Variants in AP4M1 observed in about 807,000 individuals in gnomAD.
The protein encoded by AP4M1 is AP-4 complex subunit mu-1.
A neutral mutation model predicts 62.4 loss-of-function variants in AP4M1; 58 were observed. That is an observed-to-expected ratio of 0.93 (90% CI 0.75 to 1.16). The LOEUF (loss-of-function observed/expected upper bound fraction) is 1.16. AP4M1 is among the 50% of genes most tolerant of loss of function. AP4M1 has a pLI of 0.00. For synonymous variants in AP4M1, 290 were observed against 239.7 expected (o/e 1.21, Z -1.94); for missense variants, 626 against 585.4 (o/e 1.07, Z -0.72).
rs949465818 is a variant in AP4M1, at chr7:100,108,261, C to G, written c.*1379C>G. On this transcript the variant is annotated 3_prime_UTR_variant, in exon 15 of 15. Coordinates refer to ENST00000359593, the MANE Select transcript of AP4M1 (RefSeq NM_004722.4). ...GCATCCTCACTCAGGGCCTGGTTGCCCTGAGACTACTGACTGAGGGCACAT... is the reference window on the plus strand; with the variant it reads ...GCATCCTCACTCAGGGCCTGGTTGCGCTGAGACTACTGACTGAGGGCACAT... 2.9e-5 allele frequency: 43 copies of G among 1,475,362 alleles called. No homozygotes were observed. The African/African-American group carries it at 5.9e-4, about 20-fold the overall frequency. 91.4% of individuals were successfully genotyped at this position (1,475,362 alleles called of 1,614,324 possible).
Position 100,103,176 on chromosome 7 carries a change from G to A in AP4M1, c.351+216G>A, listed in dbSNP as rs551301507. On this transcript the variant is annotated intron_variant, in intron 4 of 14. Transcript: ENST00000359593. ...AGCCTGGAACTCCTGGGCTCAAGCCGTCCTCCTGCCCCAGCCTCCCCTGTG... is the reference window on the plus strand; with the variant it reads ...AGCCTGGAACTCCTGGGCTCAAGCCATCCTCCTGCCCCAGCCTCCCCTGTG... The A allele has an allele frequency of 1.3e-4, 82 of 648,928 alleles. 1 individual carries two copies. The South Asian group carries it at 1.3e-3, about 10-fold the overall frequency. The allele number at this position is 648,928 out of a possible 1,614,324, so 40.2% of individuals were successfully genotyped here. A position where few individuals can be genotyped will look rare whatever the true frequency, so the allele number is the denominator to read the frequency against.
intron 6 of AP4M1, among the ~76,000 whole-genome samples, 195 bp downstream of exon 6, chr7:100,103,887 CAAAAAAA>C (rs10671291): frequency 6.0e-4 from 55 of 92,040 alleles, no homozygotes; most frequent in African/African-American, 2.4e-3. Context: ...ACTAAAAATG[CAAAAAAA>C]AAAAAAAAAA....
At position 100,106,239 on chromosome 7, in the gene AP4M1, A is replaced by G; in HGVS notation, c.975-2A>G. 6.2e-7 allele frequency: 1 copy of G among 1,614,114 alleles called. No homozygotes were observed. The highest frequency in any genetic ancestry group is 1.1e-5 in the South Asian group (1 of 91,088). Reference sequence around the variant, plus strand: ...CTGACTTTGTTCCCGTCTCCTCTGTAGCCAAGCCCTCAATGTCAGGCTGCA... The same window carrying G: ...CTGACTTTGTTCCCGTCTCCTCTGTGGCCAAGCCCTCAATGTCAGGCTGCA... On this transcript the variant is annotated splice_acceptor_variant, in intron 12 of 14. Transcript: ENST00000359593. LOFTEE classifies it high-confidence loss of function.
intron 5 of AP4M1, 23 bp downstream of exon 5, chr7:100,103,542 G>A (rs1796229698): frequency 6.2e-7 from 1 of 1,613,726 alleles, no homozygotes; most frequent in African/African-American, 1.3e-5. Context: ...AAAGAGGAGG[G>A]TGAGGAAAGA....
chr7:100,103,992 A>T, intron 6 of AP4M1, 100 bp from the exon 7 acceptor site: 1 of 1,056,244 alleles, frequency 9.5e-7, no homozygotes, highest in Non-Finnish European at 1.5e-6. Flanking sequence ...TCCTCACCCT[A>T]GAGCTGTAGC....
Position 100,108,910 on chromosome 7 carries a change from G to C in AP4M1, c.*2028G>C, listed in dbSNP as rs368687217. On this transcript the variant is annotated 3_prime_UTR_variant, in exon 15 of 15. Transcript: ENST00000359593. ...ATGGTGGCACGCACCTGTAGTCCCA[G>C]CTACTGGGGAGGTTGAGGTACTAGA... 2 of 171,912 alleles carry C rather than the reference G, an allele frequency of 1.2e-5. No individual in the cohort carries two copies. The highest frequency in any genetic ancestry group is 1.7e-4 in the East Asian group (1 of 5,992). The allele number at this position is 171,912 out of a possible 1,614,324, so 10.6% of individuals were successfully genotyped here.
In AP4M1 at chr7:100,104,859, G is replaced by C. The variant is rs766628480; in HGVS notation, c.607-15G>C. ...AAGAAAAAAAGACTCTAACCTTGAC[G>C]CCCCTGCCTCTCAGGGATCCCTGCT... is the stretch of plus-strand genomic sequence containing the variant. On this transcript the variant is annotated splice_polypyrimidine_tract_variant and intron_variant, in intron 7 of 14. Transcript: ENST00000359593. 1.1e-5 allele frequency: 17 copies of C among 1,613,822 alleles called. No individual in the cohort carries two copies. In the South Asian group the frequency reaches 1.9e-4, roughly 18 times the overall value.
chr7:100,107,681 C>T lies in AP4M1; in HGVS notation c.*799C>T. The T allele has an allele frequency of 1.3e-6, 2 of 1,579,788 alleles. No individual in the cohort carries two copies. Among genetic ancestry groups the T allele is most frequent in the South Asian group, 1.1e-5 (1 of 88,312 alleles). Reference sequence around the variant, plus strand: ...TGTGCCCTCCCTGCCCCCCAGAGGCCTGGCGAGGACGCTTCACTCGCTCCC... The same window carrying T: ...TGTGCCCTCCCTGCCCCCCAGAGGCTTGGCGAGGACGCTTCACTCGCTCCC... On this transcript the variant is annotated 3_prime_UTR_variant, in exon 15 of 15. Transcript: ENST00000359593.
chr7:100,101,191 C>G (rs1796003332), upstream of AP4M1: 5 of 1,588,012 alleles, frequency 3.1e-6, no homozygotes, highest in South Asian at 5.5e-5. Context: ...CCCCAAGACC[C>G]CAGCTCACAC....
upstream of AP4M1, chr7:100,101,625 G>A: frequency 1.5e-6 from 2 of 1,340,530 alleles, no homozygotes; most frequent in Non-Finnish European, 2.1e-6. Context: ...GCTCTTAAAG[G>A]GCCAGCGCAC....
Position 100,101,906 on chromosome 7 carries a change from G to A in AP4M1, c.85G>A (p.Val29Met), listed in dbSNP as rs1202134883. The change falls in exon 2 of 15, where the codon GTG (valine) becomes ATG (methionine). Residue 29 changes from valine to methionine, a missense_variant. Coordinates refer to ENST00000359593, the MANE Select transcript of AP4M1 (RefSeq NM_004722.4). ...DFRGDSGGRD[V>M]AELFYRKLTG... ...CCGCGGGGACAGTGGCGGCCGGGAT[G>A]TGGCCGAGCTCTTCTACCGGAAGCT... 2.5e-6 allele frequency: 4 copies of A among 1,612,924 alleles called. No individual in the cohort carries two copies. Among genetic ancestry groups the A allele is most frequent in the Middle Eastern group, 1.6e-4 (1 of 6,080 alleles).
chr7:100,105,187 C>T lies in AP4M1; in HGVS notation c.728-53C>T, dbSNP rs1407809354. On this transcript the variant is annotated intron_variant, in intron 9 of 14. Coordinates refer to ENST00000359593, the MANE Select transcript of AP4M1 (RefSeq NM_004722.4). ...TCAGACAGAGCCTCCCCTCTCCTTG[C>T]TCCTCTCCCAAAACAGGAGTCAGGA... 8 of 1,611,972 alleles carry T rather than the reference C, an allele frequency of 5.0e-6. No individual in the cohort carries two copies. In the East Asian group the frequency reaches 1.1e-4, roughly 22 times the overall value.
rs1400606919 is a variant in AP4M1, at chr7:100,102,909, G to A, written c.300G>A (p.Gly100=). Residue 100 remains glycine, a synonymous_variant, in exon 4 of 15, where the codon GGG becomes GGA. Coordinates refer to ENST00000359593, the MANE Select transcript of AP4M1 (RefSeq NM_004722.4). The part of the protein sequence containing the change: ...LGDYCGSLGE[G]TISRNVALVY... ...ATTACTGTGGCTCCCTGGGCGAGGG[G>A]ACCATCTCCCGCAATGTGGCTCTGG... 1 of 1,614,068 alleles carries A rather than the reference G, an allele frequency of 6.2e-7. No individual in the cohort carries two copies. The highest frequency in any genetic ancestry group is 2.2e-5 in the East Asian group (1 of 44,882).
chr7:100,100,870 C>A (rs549930719), upstream of AP4M1: 93 of 1,039,344 alleles, frequency 8.9e-5, no homozygotes, highest in South Asian at 3.0e-3. Context: ...CCGGGGCCTA[C>A]GCGCGCCTGG....
chr7:100,100,803 C>T (rs967752826), upstream of AP4M1: 1 of 996,388 alleles, frequency 1.0e-6, no homozygotes, highest in Non-Finnish European at 1.2e-6. Flanking sequence ...CACTTCCGCT[C>T]GGAGGGCGGC....
chr7:100,108,923 T>C lies in AP4M1; in HGVS notation c.*2041T>C, dbSNP rs576896895. 3.7e-4 allele frequency: 57 copies of C among 152,558 alleles called. No individual in the cohort carries two copies. Among genetic ancestry groups the C allele is most frequent in the Admixed American group, 1.4e-3 (21 of 15,048 alleles). The allele number at this position is 152,558 out of a possible 1,614,324, so 9.5% of individuals were successfully genotyped here. A position where few individuals can be genotyped will look rare whatever the true frequency, so the allele number is the denominator to read the frequency against. On this transcript the variant is annotated 3_prime_UTR_variant, in exon 15 of 15. Coordinates refer to ENST00000359593, the MANE Select transcript of AP4M1 (RefSeq NM_004722.4). ...CCTGTAGTCCCAGCTACTGGGGAGGTTGAGGTACTAGAATGCTTGAACCCA... is the reference window on the plus strand; with the variant it reads ...CCTGTAGTCCCAGCTACTGGGGAGGCTGAGGTACTAGAATGCTTGAACCCA...
chr7:100,107,792 G>C lies in AP4M1; in HGVS notation c.*910G>C. ...CATGCAGGGCAGCTACAGCCCTGCA[G>C]GACCCTGGTGGGCGCCTCTTCCAGC... On this transcript the variant is annotated 3_prime_UTR_variant, in exon 15 of 15. Transcript: ENST00000359593. 8 of 1,377,844 alleles carry C rather than the reference G, an allele frequency of 5.8e-6. No individual in the cohort carries two copies. Among genetic ancestry groups the C allele is most frequent in the Non-Finnish European group, 7.8e-6 (8 of 1,027,148 alleles). 85.4% of individuals were successfully genotyped at this position (1,377,844 alleles called of 1,614,324 possible).
Position 100,107,178 on chromosome 7 carries a change from G to A in AP4M1, c.*296G>A, listed in dbSNP as rs1051542578. On this transcript the variant is annotated 3_prime_UTR_variant, in exon 15 of 15. Transcript: ENST00000359593. Reference sequence around the variant, plus strand: ...CAACTTCCTTCCGCTTAGCGAGCATGCATGTGTGTACGTGCACGTGTGTAC... The same window carrying A: ...CAACTTCCTTCCGCTTAGCGAGCATACATGTGTGTACGTGCACGTGTGTAC... 34 of 1,516,338 alleles carry A rather than the reference G, an allele frequency of 2.2e-5. No individual in the cohort carries two copies. Among genetic ancestry groups the A allele is most frequent in the Non-Finnish European group, 3.0e-5 (34 of 1,134,608 alleles). 93.9% of individuals were successfully genotyped at this position (1,516,338 alleles called of 1,614,324 possible).
intron 7 of AP4M1, 85 bp downstream of exon 7, chr7:100,104,239 C>A: frequency 1.7e-6 from 2 of 1,149,284 alleles, no homozygotes; most frequent in Non-Finnish European, 2.6e-6. Context: ...CAGCAACGGC[C>A]GGGCACAGTG....
Sources: gnomAD v4.1 joint callset for allele counts (sites outside exome capture counted in the v4.1 genomes callset) on GRCh38, gnomAD v4.1.1 for gene constraint, MANE v1.5 for transcripts, NCBI Gene and HGNC (gene_info 2026-07-23, HGNC 2026-07-21) for gene names.